Variants in TRIM49C observed in about 807,000 individuals in gnomAD.
TRIM49C encodes the protein tripartite motif-containing protein 49C.
TRIM49C carries 6 observed loss-of-function variants against 21.4 expected under a neutral mutation model. That is an observed-to-expected ratio of 0.28 (90% confidence interval 0.15 to 0.55). TRIM49C has a LOEUF of 0.55. Ranked by LOEUF, TRIM49C falls within the 20% of genes least tolerant of loss-of-function variation. TRIM49C has a pLI of 0.94. For synonymous variants in TRIM49C, 57 were observed against 148.1 expected (o/e 0.38, Z 4.47); for missense variants, 161 against 442.4 (o/e 0.36, Z 5.71).
chr11:90,035,038 G>A (rs541806234), intron 2 of TRIM49C, among the ~76,000 whole-genome samples, 170 bp from the exon 3 acceptor site: 1 of 136,362 alleles, frequency 7.3e-6, no homozygotes, highest in South Asian at 2.6e-4. Flanking sequence ...TATAAAGCCA[G>A]GAGACTCCCT....
the TRIM49C span, chr11:90,062,782 G>A: frequency 1.4e-6 from 2 of 1,422,464 alleles, no homozygotes; most frequent in Non-Finnish European, 1.9e-6. Flanking sequence ...AGGGAAGACA[G>A]CTTTTTGAGT....
At position 90,033,570 on chromosome 11, in the gene TRIM49C, C is replaced by G. The variant is rs1950701803; in HGVS notation, c.-5+988C>G. ...ACAGGTTTGTAGCCTATTGTAGGAACAATAGGCTATAGTGTATACCATAGG... is the reference window on the plus strand; with the variant it reads ...ACAGGTTTGTAGCCTATTGTAGGAAGAATAGGCTATAGTGTATACCATAGG... On this transcript the variant is annotated intron_variant, in intron 2 of 7. Coordinates refer to ENST00000448984, the MANE Select transcript of TRIM49C (RefSeq NM_001195234.1). Among the ~76,000 whole-genome samples, 2 of 130,334 alleles carry G rather than the reference C, an allele frequency of 1.5e-5. 1 individual carries two copies. The highest frequency in any genetic ancestry group is 5.5e-5 in the African/African-American group (2 of 36,644). The allele number at this position is 130,334 out of a possible 152,430, so 85.5% of individuals were successfully genotyped here. A position where few individuals can be genotyped will look rare whatever the true frequency, so the allele number is the denominator to read the frequency against.
At chr11:90,065,920 C>T in the TRIM49C span, among the ~76,000 whole-genome samples, 12 of 134,786 alleles carry the variant, frequency 8.9e-5, 3 homozygotes, top group Non-Finnish European at 1.8e-4. Context: ...AGCACCACTG[C>T]ACTCCAGCCT....
intron 2 of TRIM49C, among the ~76,000 whole-genome samples, chr11:90,033,870 C>A (rs1234172691): frequency 1.6e-5 from 2 of 123,814 alleles, no homozygotes; most frequent in East Asian, 5.0e-4. Flanking sequence ...CGCTCTGAAC[C>A]TGGAGGCGGA....
In TRIM49C at chr11:90,033,679, C is replaced by T. The variant is rs540126708; in HGVS notation, c.-5+1097C>T. Among the ~76,000 whole-genome samples, 20 of 135,356 alleles carry T rather than the reference C, an allele frequency of 1.5e-4. 3 individuals carry two copies. In the South Asian group the frequency reaches 2.8e-3, roughly 19 times the overall value. 88.8% of individuals were successfully genotyped at this position (135,356 alleles called of 152,430 possible). ...AACCGCCTGGCTGGGCACTGTGGCGCGTGCCTATAATCCCAGCACTTTGCA... is the reference window on the plus strand; with the variant it reads ...AACCGCCTGGCTGGGCACTGTGGCGTGTGCCTATAATCCCAGCACTTTGCA... On this transcript the variant is annotated intron_variant, in intron 2 of 7. Transcript: ENST00000448984.
At chr11:90,043,419 T>C (rs1319722296), downstream of TRIM49C, among the ~76,000 whole-genome samples, 2 of 127,484 alleles carry the variant, frequency 1.6e-5, no homozygotes, top group Non-Finnish European at 3.3e-5. Context: ...AATGACAGTC[T>C]GTCTCATAAT....
chr11:90,069,450 CAT>C, the TRIM49C span, among the ~76,000 whole-genome samples: 2 of 131,438 alleles, frequency 1.5e-5, 1 homozygote. Context: ...TCAGAAAAGA[CAT>C]AGTATAGAAT....
downstream of TRIM49C, among the ~76,000 whole-genome samples, chr11:90,045,047 G>C (rs927061446): frequency 8.6e-6 from 1 of 116,444 alleles, no homozygotes; most frequent in Non-Finnish European, 1.8e-5. Context: ...TTTCCCCATT[G>C]CTTGTTTTTG....
the TRIM49C span, among the ~76,000 whole-genome samples, chr11:90,049,516 T>C: frequency 1.5e-5 from 1 of 66,086 alleles, no homozygotes; most frequent in African/African-American, 6.9e-5. Flanking sequence ...ACTGCTGTGC[T>C]AGCAATGAGT....
At chr11:90,047,878 A>T in the TRIM49C span, among the ~76,000 whole-genome samples, 1 of 118,030 alleles carries the variant, frequency 8.5e-6, no homozygotes, top group Non-Finnish European at 1.7e-5. Flanking sequence ...GGTCTTTACA[A>T]TTTGGCATGT....
chr11:90,070,055 G>C, the TRIM49C span, among the ~76,000 whole-genome samples: 1 of 123,612 alleles, frequency 8.1e-6, no homozygotes, highest in African/African-American at 3.3e-5. Flanking sequence ...AGATCTGGGG[G>C]AACTGTGGCT....
At chr11:90,042,656 G>A (rs1381056838), downstream of TRIM49C, among the ~76,000 whole-genome samples, 1 of 118,588 alleles carries the variant, frequency 8.4e-6, no homozygotes, top group Non-Finnish European at 1.7e-5. Context: ...CAAAGATACA[G>A]AATAAATGAA....
At chr11:90,033,860 C>T (rs1950704827) in intron 2 of TRIM49C, among the ~76,000 whole-genome samples, 1 of 124,074 alleles carries the variant, frequency 8.1e-6, no homozygotes, top group Non-Finnish European at 1.7e-5. Flanking sequence ...GCAGGAGAAT[C>T]GCTCTGAACC....
At chr11:90,047,015 T>C (rs1950804719), downstream of TRIM49C, among the ~76,000 whole-genome samples, 1 of 124,536 alleles carries the variant, frequency 8.0e-6, no homozygotes, top group Non-Finnish European at 1.6e-5. Context: ...CTGCCTTCAT[T>C]TCGTTATGTA....
the TRIM49C span, chr11:90,062,197 A>T: frequency 6.8e-6 from 3 of 440,036 alleles, no homozygotes; most frequent in Admixed American, 1.4e-4. Flanking sequence ...TTAAACGAAT[A>T]TGATTCTAAT....
At chr11:90,048,040 C>T in the TRIM49C span, among the ~76,000 whole-genome samples, 24 of 107,204 alleles carry the variant, frequency 2.2e-4, 4 homozygotes, top group Non-Finnish European at 3.8e-4. Context: ...CTTAGTTTGG[C>T]TGGATATGAT....
chr11:90,052,777 C>G, the TRIM49C span: 1 of 157,342 alleles, frequency 6.4e-6, no homozygotes, highest in Admixed American at 6.6e-5. Context: ...CCTTCAAGGT[C>G]AAGACCCAGG....
downstream of TRIM49C, among the ~76,000 whole-genome samples, chr11:90,046,592 T>C (rs1950803101): frequency 8.2e-6 from 1 of 122,362 alleles, no homozygotes; most frequent in Non-Finnish European, 1.7e-5. Context: ...TAGTTTGTAT[T>C]TCTGTGGGAT....
chr11:90,071,169 G>T, the TRIM49C span: 21 of 493,574 alleles, frequency 4.3e-5, 6 homozygotes, highest in East Asian at 9.0e-4. Flanking sequence ...TGGTGGCAAG[G>T]TATGTTAATG....
Sources: allele counts gnomAD v4.1 joint callset (sites outside exome capture counted in the v4.1 genomes callset), GRCh38; gene constraint gnomAD v4.1.1; transcripts MANE v1.5; gene names NCBI Gene and HGNC (gene_info 2026-07-23, HGNC 2026-07-21).